Variants in ANKMY2 observed in about 807,000 individuals in gnomAD.
ANKMY2 encodes the protein ankyrin repeat and MYND domain containing 2, also known as ankyrin repeat and MYND domain-containing protein 2.
In ANKMY2, 36 loss-of-function variants were observed where a neutral mutation model predicts 50.4. The ratio of observed to expected loss-of-function variants is 0.71; its 90% confidence interval spans 0.55 to 0.94. The LOEUF is 0.94. Ranked by LOEUF, ANKMY2 falls within the 40% of genes least tolerant of loss-of-function variation. ANKMY2 has a pLI of 0.00. For missense variants in ANKMY2, 565 were observed against 524.0 expected (o/e 1.08, Z -0.76); for synonymous variants, 187 against 178.8 (o/e 1.05, Z -0.36).
intron 5 of ANKMY2, among the ~76,000 whole-genome samples, chr7:16,613,813 G>C (rs560995173): frequency 6.6e-6 from 1 of 151,116 alleles, no homozygotes; most frequent in South Asian, 2.1e-4. Flanking sequence ...GTGGGCACCT[G>C]TAATCCCAGC....
At position 16,600,369 on chromosome 7, in the gene ANKMY2, T is replaced by C. The variant is rs1009989126; in HGVS notation, c.*392A>G. ...TTATGATTTTTCTAACTACCCTCTGTAGCTATAAATTTTTCCCTTCCTGAA... is the reference window on the plus strand; with the variant it reads ...TTATGATTTTTCTAACTACCCTCTGCAGCTATAAATTTTTCCCTTCCTGAA... On this transcript the variant is annotated 3_prime_UTR_variant, in exon 10 of 10. Transcript: ENST00000306999. 2.6e-5 allele frequency: 4 copies of C among 155,954 alleles called. No homozygotes were observed. The highest frequency in any genetic ancestry group is 9.6e-5 in the African/African-American group (4 of 41,584). 9.7% of individuals were successfully genotyped at this position (155,954 alleles called of 1,614,324 possible).
chr7:16,640,686 T>C (rs529794647), intron 1 of ANKMY2, among the ~76,000 whole-genome samples: 1 of 152,142 alleles, frequency 6.6e-6, no homozygotes, highest in East Asian at 1.9e-4. Context: ...CGCACCCAGC[T>C]AATTTTTACA....
chr7:16,602,405 G>C lies in ANKMY2; in HGVS notation c.1116C>G (p.Ala372=), dbSNP rs756827215. 2 of 1,613,094 alleles carry C rather than the reference G, an allele frequency of 1.2e-6. No homozygotes were observed. The highest frequency in any genetic ancestry group is 2.2e-5 in the South Asian group (2 of 90,868). Residue 372 remains alanine, a synonymous_variant, in exon 9 of 10, where the codon GCC becomes GCG. Transcript: ENST00000306999. ...GGTTTTCCTCTTGTCTCTTTTCTTT[G>C]GCAGCCTCCAACTGTTGCTTTTCGT... ...DIYEKQQLEA[A]KEKRQEENHG...
chr7:16,626,718 T>G (rs1781511970), intron 3 of ANKMY2, among the ~76,000 whole-genome samples: 1 of 152,162 alleles, frequency 6.6e-6, no homozygotes, highest in African/African-American at 2.4e-5. Context: ...AGAAAGAAGT[T>G]TTCATGTCAC....
At chr7:16,615,634 C>A in intron 5 of ANKMY2, 110 bp downstream of exon 5, 1 of 1,401,142 alleles carries the variant, frequency 7.1e-7, no homozygotes, top group East Asian at 2.5e-5. Flanking sequence ...ACTGCAAGCT[C>A]TACAACTACA....
At chr7:16,641,505 A>AT (rs983815553) in intron 1 of ANKMY2, among the ~76,000 whole-genome samples, 60 of 152,208 alleles carry the variant, frequency 3.9e-4, no homozygotes, top group African/African-American at 1.4e-3. Context: ...ATATATTTTA[A>AT]TTTTTTCTTT....
In ANKMY2 at chr7:16,625,032, ATC is replaced by A; in HGVS notation, c.319_320del (p.Asp107CysfsTer20). 1 of 1,614,156 alleles carries A rather than the reference ATC, an allele frequency of 6.2e-7. No individual in the cohort carries two copies. Among genetic ancestry groups the A allele is most frequent in the East Asian group, 2.2e-5 (1 of 44,868 alleles). On this transcript the variant is annotated frameshift_variant, in exon 4 of 10. Transcript: ENST00000306999. LOFTEE classifies it high-confidence loss of function. ...CTGTTCTTCCCACAGAGTTGACAAC[ATC>A]TGTCTCAGCACCAGCTTCTAACATT... Reference protein sequence around the residue: ...WVMLEAGAETDVVNSVGRTAA... With the variant: ...WVMLEAGAETXVVNSVGRTAA...
chr7:16,600,980 C>T, intron 9 of ANKMY2, 35 bp from the exon 10 acceptor site: 1 of 1,530,622 alleles, frequency 6.5e-7, no homozygotes. Flanking sequence ...TTTGTTCCTA[C>T]CATGTGTCAG....
chr7:16,632,942 C>A (rs1781608969), intron 2 of ANKMY2, among the ~76,000 whole-genome samples: 1 of 152,184 alleles, frequency 6.6e-6, no homozygotes, highest in Admixed American at 6.5e-5. Flanking sequence ...TTATAGCTAT[C>A]CTGGTGGATA....
chr7:16,635,192 T>G (rs989949605), intron 2 of ANKMY2, among the ~76,000 whole-genome samples: 1 of 152,140 alleles, frequency 6.6e-6, no homozygotes, highest in East Asian at 1.9e-4. Flanking sequence ...GAAAAAGGAA[T>G]AATATATGCT....
At chr7:16,611,365 TA>T (rs898614417) in intron 5 of ANKMY2, among the ~76,000 whole-genome samples, 2 of 152,182 alleles carry the variant, frequency 1.3e-5, no homozygotes, top group African/African-American at 4.8e-5. Flanking sequence ...TAAATAACTT[TA>T]AAGGGGAAAT....
rs747237199 is a variant in ANKMY2, at chr7:16,615,870, G to T, written c.405C>A (p.Phe135Leu). ...QHDCVTIINNFFPRERLDYYT... is the reference protein window; with the variant it reads ...QHDCVTIINNLFPRERLDYYT... ...AATAATCCAGTCTCTCTCGAGGAAA[G>T]AAATTGTTGATTATGGTCACACAAT... The change falls in exon 5 of 10, where the codon TTC becomes TTA. Residue 135 changes from phenylalanine to leucine, a missense_variant. Physicochemically the swap from Phe to Leu is conservative, Grantham distance 22 (BLOSUM62 0). Transcript: ENST00000306999. 2.5e-6 allele frequency: 4 copies of T among 1,613,728 alleles called. No homozygotes were observed. The Admixed American group carries it at 6.7e-5, about 27-fold the overall frequency.
At chr7:16,622,706 C>T (rs534395680) in intron 4 of ANKMY2, among the ~76,000 whole-genome samples, 3 of 151,712 alleles carry the variant, frequency 2.0e-5, no homozygotes, top group Admixed American at 1.3e-4. Flanking sequence ...GGCCACTGCA[C>T]TCCAGCCTGG....
rs1524749 is a variant in ANKMY2, at chr7:16,603,728, C to T, written c.1011+993G>A. ...TGTTTCAACCAACAGCATGAAACAA[C>T]ATGGCAATTTCAAGGCTAGTCCTTG... On this transcript the variant is annotated intron_variant, in intron 8 of 9. Transcript: ENST00000306999. 3.0e-3 allele frequency: 1,405 copies of T among 470,852 alleles called. 14 individuals are homozygous for T. Among genetic ancestry groups the T allele is most frequent in the African/African-American group, 0.025 (1,268 of 50,186 alleles). 29.2% of individuals were successfully genotyped at this position (470,852 alleles called of 1,614,324 possible).
chr7:16,615,858 C>G lies in ANKMY2; in HGVS notation c.417G>C (p.Glu139Asp). ...VTIINNFFPR[E>D]RLDYYTKPQG... is the part of the protein sequence containing the mutation. ...GGGGCTTAGTGTAATAATCCAGTCT[C>G]TCTCGAGGAAAGAAATTGTTGATTA... Residue 139 changes from glutamate to aspartate, a missense_variant, in exon 5 of 10, where the codon GAG becomes GAC. Glu to Asp is a conservative substitution (Grantham distance 45, BLOSUM62 2). Transcript: ENST00000306999. 6.2e-7 allele frequency: 1 copy of G among 1,613,994 alleles called. No individual in the cohort carries two copies. Among genetic ancestry groups the G allele is most frequent in the Non-Finnish European group, 8.5e-7 (1 of 1,179,990 alleles).
chr7:16,613,879 C>G (rs1239650691), intron 5 of ANKMY2, among the ~76,000 whole-genome samples: 1 of 149,884 alleles, frequency 6.7e-6, no homozygotes, highest in Non-Finnish European at 1.5e-5. Context: ...GAGATCTGTA[C>G]CACTGCACTC....
At chr7:16,636,330 AAGGAT>A in intron 2 of ANKMY2, 56 bp downstream of exon 2, 1 of 781,232 alleles carries the variant, frequency 1.3e-6, no homozygotes, top group Non-Finnish European at 1.9e-6. Context: ...AAAAAAAAAA[AAGGAT>A]ATATTATCTC....
intron 5 of ANKMY2, 101 bp from the exon 6 acceptor site, chr7:16,610,864 C>A: frequency 2.0e-6 from 2 of 1,008,868 alleles, no homozygotes; most frequent in South Asian, 1.6e-5. Flanking sequence ...CCAAAGAAAG[C>A]CTTCCTTAGG....
chr7:16,612,872 G>T (rs989541921), intron 5 of ANKMY2, among the ~76,000 whole-genome samples: 1 of 152,034 alleles, frequency 6.6e-6, no homozygotes, highest in Non-Finnish European at 1.5e-5. Flanking sequence ...TAATGAGGAG[G>T]AGCAAATAAA....
Sources: allele counts gnomAD v4.1 joint callset (sites outside exome capture counted in the v4.1 genomes callset), GRCh38; gene constraint gnomAD v4.1.1; transcripts MANE v1.5; gene names NCBI Gene and HGNC (gene_info 2026-07-23, HGNC 2026-07-21).